The following PRKG1 variants were observed in gnomAD, a reference collection of about 807,000 sequenced individuals.
PRKG1 encodes the protein protein kinase cGMP-dependent 1.
PRKG1 carries 35 observed loss-of-function variants against 88.1 expected under a neutral mutation model. The observed-to-expected ratio is 0.40, with a 90% confidence interval of 0.30 to 0.53. The LOEUF is 0.53. Among genes scored for constraint, PRKG1 ranks in the 20% least tolerant of loss-of-function variants. PRKG1 has a pLI of 0.59. For synonymous variants in PRKG1, 303 were observed against 292.5 expected, an observed-to-expected ratio of 1.04 and a Z score of -0.37; for missense variants, 540 against 839.8, an observed-to-expected ratio of 0.64 and a Z score of 4.41.
intron 2 of PRKG1, among the ~76,000 whole-genome samples, chr10:51,312,681 A>G (rs968143661): frequency 8.5e-6 from 1 of 116,966 alleles, no homozygotes; most frequent in Middle Eastern, 4.1e-3. Flanking sequence ...TCAGATGGAT[A>G]TATGTGTGTG....
intron 3 of PRKG1, among the ~76,000 whole-genome samples, chr10:51,584,317 A>G (rs143561919): frequency 3.9e-5 from 6 of 152,198 alleles, no homozygotes; most frequent in African/African-American, 1.4e-4. Flanking sequence ...AGGGCCCTGT[A>G]GGGACTCCAA....
chr10:51,149,138 G>A (rs147282156), intron 1 of PRKG1, among the ~76,000 whole-genome samples: 218 of 151,882 alleles, frequency 1.4e-3, no homozygotes, highest in African/African-American at 4.4e-3. Context: ...GCTTTTCCTC[G>A]TCATCACTGC....
chr10:51,698,437 G>T, intron 3 of PRKG1: 3 of 1,614,146 alleles, frequency 1.9e-6, no homozygotes, highest in Non-Finnish European at 2.5e-6. Context: ...GGCCACGAGT[G>T]TCATGACCAG....
intron 1 of PRKG1, among the ~76,000 whole-genome samples, chr10:51,084,362 C>G (rs1049329246): frequency 6.6e-6 from 1 of 152,156 alleles, no homozygotes; most frequent in African/African-American, 2.4e-5. Flanking sequence ...ATATCTGTGT[C>G]TTTGCATTCT....
At chr10:51,746,777 A>G (rs1837592553) in intron 3 of PRKG1, among the ~76,000 whole-genome samples, 1 of 152,038 alleles carries the variant, frequency 6.6e-6, no homozygotes, top group Non-Finnish European at 1.5e-5. Context: ...AAAGAAAAGA[A>G]AAGAAAAAAG....
chr10:51,183,238 T>C lies in PRKG1; in HGVS notation c.478+29908T>C, dbSNP rs560414055. On this transcript the variant is annotated intron_variant, in intron 2 of 17. Transcript: ENST00000373980. The stretch of plus-strand genomic sequence containing the variant: ...CAACCCTGCAGGCTCTAGTGAAATA[T>C]GCAGTTAGTGCTGGGTTGTGGGAAA... Among the ~76,000 whole-genome samples the C allele has an allele frequency of 1.4e-4, 21 of 152,326 alleles. No homozygotes were observed. In the South Asian group the frequency reaches 1.5e-3, roughly 11 times the overall value.
intron 17 of PRKG1, among the ~76,000 whole-genome samples, chr10:52,293,401 G>GA (rs953001301): frequency 2.5e-4 from 38 of 151,652 alleles, no homozygotes; most frequent in Admixed American, 1.2e-3. Flanking sequence ...CACAGAATTG[G>GA]AAAAAACTAC....
intron 5 of PRKG1, among the ~76,000 whole-genome samples, chr10:51,946,302 C>T (rs1843032635): frequency 6.6e-6 from 1 of 152,080 alleles, no homozygotes; most frequent in Non-Finnish European, 1.5e-5. Context: ...CCTTGGCTTT[C>T]AGCTCCATCA....
At chr10:51,764,258 G>C (rs1009368212) in intron 3 of PRKG1, among the ~76,000 whole-genome samples, 2 of 152,130 alleles carry the variant, frequency 1.3e-5, no homozygotes, top group African/African-American at 2.4e-5. Context: ...TATTTTTACT[G>C]GGTTAGGCAA....
intron 3 of PRKG1, among the ~76,000 whole-genome samples, chr10:51,612,582 T>C (rs553840201): frequency 6.6e-6 from 1 of 152,208 alleles, no homozygotes; most frequent in Admixed American, 6.5e-5. Flanking sequence ...AGGGACAATT[T>C]GACTTTCTCC....
At chr10:52,142,317 A>G (rs1837602723) in intron 8 of PRKG1, among the ~76,000 whole-genome samples, 1 of 152,122 alleles carries the variant, frequency 6.6e-6, no homozygotes, top group East Asian at 1.9e-4. Context: ...TATTAATTCA[A>G]TAAGCACATA....
chr10:51,712,198 A>G (rs1231575766), intron 3 of PRKG1, among the ~76,000 whole-genome samples: 2 of 152,244 alleles, frequency 1.3e-5, no homozygotes, highest in Non-Finnish European at 2.9e-5. Flanking sequence ...GGGGAAACTT[A>G]GCAAAGCCTG....
intron 1 of PRKG1, among the ~76,000 whole-genome samples, chr10:51,087,287 T>TTGATGATGATGATGATGA (rs60114266): frequency 6.6e-6 from 1 of 151,470 alleles, no homozygotes; most frequent in Non-Finnish European, 1.5e-5. Context: ...TGGTCAATTA[T>TTGATGATGATGATGATGA]TGATGATGAT....
At chr10:51,876,931 A>G (rs1841314774) in intron 4 of PRKG1, among the ~76,000 whole-genome samples, 1 of 152,162 alleles carries the variant, frequency 6.6e-6, no homozygotes, top group African/African-American at 2.4e-5. Context: ...TTGCCTAGTA[A>G]TGAAAACTCC....
At chr10:51,419,804 ATTTT>A (rs1415273874) in intron 2 of PRKG1, among the ~76,000 whole-genome samples, 2 of 142,210 alleles carry the variant, frequency 1.4e-5, no homozygotes, top group Non-Finnish European at 1.5e-5. Flanking sequence ...AGAGCCAATA[ATTTT>A]TTTTTTTTTT....
intron 9 of PRKG1, among the ~76,000 whole-genome samples, chr10:52,203,203 G>A (rs1839722388): frequency 6.6e-6 from 1 of 151,858 alleles, no homozygotes; most frequent in African/African-American, 2.4e-5. Flanking sequence ...CTGTGATTCT[G>A]GTATACTGTA....
At chr10:51,239,871 C>G (rs928353556) in intron 2 of PRKG1, among the ~76,000 whole-genome samples, 1 of 152,128 alleles carries the variant, frequency 6.6e-6, no homozygotes, top group African/African-American at 2.4e-5. Flanking sequence ...GATAATAGTG[C>G]CCACCTTTAT....
chr10:51,264,113 C>A (rs1393355381), intron 2 of PRKG1, among the ~76,000 whole-genome samples: 3 of 152,154 alleles, frequency 2.0e-5, no homozygotes, highest in South Asian at 2.1e-4. Context: ...CGAATATTAT[C>A]AATGAATTGT....
chr10:51,829,242 T>C (rs958051730), intron 4 of PRKG1, among the ~76,000 whole-genome samples: 1 of 152,236 alleles, frequency 6.6e-6, no homozygotes, highest in African/African-American at 2.4e-5. Context: ...CAAGATGGAA[T>C]TCCATGTCTT....
Sources: gnomAD v4.1 joint callset for allele counts (sites outside exome capture counted in the v4.1 genomes callset) on GRCh38, gnomAD v4.1.1 for gene constraint, MANE v1.5 for transcripts, NCBI Gene and HGNC (gene_info 2026-07-23, HGNC 2026-07-21) for gene names.